Variants in ATP10A observed in about 807,000 individuals in gnomAD.
ATP10A encodes phospholipid-transporting ATPase VA.
In ATP10A, 111 loss-of-function variants were observed where a neutral mutation model predicts 147.8. The ratio of observed to expected loss-of-function variants is 0.75; its 90% CI spans 0.64 to 0.88. The LOEUF is 0.88. ATP10A is among the 40% of genes least tolerant of loss of function. ATP10A has a pLI of 0.00. For missense variants in ATP10A, 1,927 were observed against 1,959.0 expected (o/e 0.98, Z 0.31); for synonymous variants, 875 against 841.6 (o/e 1.04, Z -0.69).
rs866912221 is a variant in ATP10A at position 25,713,831 on chromosome 15, C to T, written c.2187G>A (p.Leu729=). 1.9e-6 allele frequency: 3 copies of T among 1,614,036 alleles called. No individual in the cohort carries two copies. The highest frequency in any genetic ancestry group is 3.3e-4 in the Middle Eastern group (2 of 6,062). The part of the protein sequence containing the change: ...HDQVSVELPH[L]GRLTFELLHT... ...GCAGGAGCTCGAAGGTGAGCCTGCC[C>T]AGGTGGGGCAGCTCCACTGACACTT... The change falls in exon 10 of 21, where the codon CTG becomes CTA. Residue 729 remains leucine (L), a synonymous_variant. Coordinates refer to ENST00000555815, the MANE Select transcript of ATP10A (RefSeq NM_024490.4).
chr15:25,831,301 A>G (rs1387061337), intron 1 of ATP10A, among the ~76,000 whole-genome samples: 1 of 152,222 alleles, frequency 6.6e-6, no homozygotes, highest in Non-Finnish European at 1.5e-5. Flanking sequence ...TGGAACTGTA[A>G]TGGGCTCTGT....
chr15:25,771,239 T>C (rs1889318527), intron 2 of ATP10A, among the ~76,000 whole-genome samples: 1 of 151,986 alleles, frequency 6.6e-6, no homozygotes, highest in South Asian at 2.1e-4. Context: ...CATGAGGACA[T>C]TGTTTGCTGG....
At chr15:25,830,398 T>C (rs961626459) in intron 1 of ATP10A, among the ~76,000 whole-genome samples, 2 of 152,186 alleles carry the variant, frequency 1.3e-5, no homozygotes, top group Non-Finnish European at 2.9e-5. Flanking sequence ...ACAGTTCTGC[T>C]AGAGGGAGTG....
At chr15:25,718,839 C>G (rs942030552) in intron 7 of ATP10A, among the ~76,000 whole-genome samples, 3 of 152,104 alleles carry the variant, frequency 2.0e-5, no homozygotes, top group Non-Finnish European at 4.4e-5. Flanking sequence ...TGGACGGTGG[C>G]CACCATCTGC....
Position 25,680,248 on chromosome 15 carries a change from T to A in ATP10A, c.3739A>T (p.Ile1247Phe). The A allele has an allele frequency of 6.2e-7, 1 of 1,614,004 alleles. No homozygotes were observed. The highest frequency in any genetic ancestry group is 8.5e-7 in the Non-Finnish European group (1 of 1,180,006). Residue 1247 changes from isoleucine to phenylalanine, a missense_variant, in exon 20 of 21, where the codon ATT (isoleucine) becomes TTT (phenylalanine). Ile to Phe is a conservative substitution (Grantham distance 21, BLOSUM62 0). Coordinates refer to ENST00000555815, the MANE Select transcript of ATP10A (RefSeq NM_024490.4). ...SVLLFFTVAL[I>F]YNASCATCYP... is the part of the protein sequence containing the mutation. ...CACGTGGCACAAGACGCATTGTAAA[T>A]CAAAGCCACGGTGAAAAACAAAAGG...
At chr15:25,740,626 C>T (rs550692024) in intron 2 of ATP10A, among the ~76,000 whole-genome samples, 8 of 152,322 alleles carry the variant, frequency 5.3e-5, no homozygotes, top group African/African-American at 1.7e-4. Flanking sequence ...GGGTGAGGTC[C>T]CCCTGGTTCA....
chr15:25,759,623 T>C (rs1888644567), intron 2 of ATP10A, among the ~76,000 whole-genome samples: 1 of 152,102 alleles, frequency 6.6e-6, no homozygotes, highest in East Asian at 2.0e-4. Context: ...CTGGGCAATA[T>C]GGTGAGTTCC....
At chr15:25,735,343 A>C (rs1193847544) in intron 3 of ATP10A, among the ~76,000 whole-genome samples, 1 of 151,310 alleles carries the variant, frequency 6.6e-6, no homozygotes, top group African/African-American at 2.4e-5. Flanking sequence ...AGCACTGACC[A>C]CACACACACA....
intron 3 of ATP10A, among the ~76,000 whole-genome samples, chr15:25,729,389 C>T (rs1902808020): frequency 6.6e-6 from 1 of 152,162 alleles, no homozygotes; most frequent in African/African-American, 2.4e-5. Context: ...TGTCTTTAAT[C>T]CATGCCCTCT....
At chr15:25,774,751 A>G (rs960731948) in intron 2 of ATP10A, among the ~76,000 whole-genome samples, 7 of 152,170 alleles carry the variant, frequency 4.6e-5, no homozygotes, top group African/African-American at 7.2e-5. Context: ...AGTTAATATG[A>G]AAAAACATGG....
chr15:25,725,163 T>C (rs936438401), intron 5 of ATP10A, among the ~76,000 whole-genome samples: 55 of 152,100 alleles, frequency 3.6e-4, no homozygotes, highest in African/African-American at 1.1e-3. Flanking sequence ...TTGTGAATTG[T>C]GCATGGGAGG....
chr15:25,683,374 G>A lies in ATP10A; in HGVS notation c.3404C>T (p.Pro1135Leu), dbSNP rs138925689. Residue 1135 changes from proline to leucine, a missense_variant, in exon 17 of 21, where the codon CCG (proline) becomes CTG (leucine). Pro to Leu is a moderately conservative substitution (Grantham distance 98). Transcript: ENST00000555815. ...CCTGTCCAGCACCCCAGTCACGAGC[G>A]GGGGAAGTGACGAGAAGAGCAGATT... ...FFNLLFSSLP[P>L]LVTGVLDRDV... 24 of 1,614,112 alleles carry A rather than the reference G, an allele frequency of 1.5e-5. No individual in the cohort carries two copies. Among genetic ancestry groups the A allele is most frequent in the East Asian group, 6.7e-5 (3 of 44,868 alleles).
At chr15:25,827,197 T>C (rs555229207) in intron 1 of ATP10A, among the ~76,000 whole-genome samples, 21 of 152,282 alleles carry the variant, frequency 1.4e-4, no homozygotes, top group African/African-American at 4.8e-4. Flanking sequence ...ATAGGTGAAA[T>C]TGGACATTCC....
chr15:25,778,479 G>C (rs1889735454), intron 2 of ATP10A, among the ~76,000 whole-genome samples: 1 of 145,220 alleles, frequency 6.9e-6, no homozygotes, highest in Non-Finnish European at 1.5e-5. Flanking sequence ...AAATGTCTTT[G>C]GACCTTTAGG....
intron 13 of ATP10A, among the ~76,000 whole-genome samples, chr15:25,698,572 G>A (rs1202792149): frequency 1.3e-5 from 2 of 152,160 alleles, no homozygotes; most frequent in African/African-American, 4.8e-5. Context: ...TTTTTGGAGA[G>A]TCAAAAGTTA....
intron 2 of ATP10A, 148 bp from the exon 3 acceptor site, chr15:25,736,289 A>C (rs7178556): frequency 0.77 from 515,833 of 666,564 alleles, 204,643 homozygotes; most frequent in Non-Finnish European, 0.85. Context: ...AGCCAAAGCA[A>C]CGCCTTCTCC....
intron 1 of ATP10A, among the ~76,000 whole-genome samples, chr15:25,791,773 TC>T (rs1363764572): frequency 1.3e-5 from 2 of 152,218 alleles, no homozygotes; most frequent in African/African-American, 4.8e-5. Flanking sequence ...TAACCCCTTT[TC>T]TGTCTTTTGC....
intron 1 of ATP10A, among the ~76,000 whole-genome samples, chr15:25,837,334 C>T (rs1369814830): frequency 4.6e-5 from 7 of 152,182 alleles, no homozygotes; most frequent in African/African-American, 1.7e-4. Context: ...CAATACTATG[C>T]AGCCTTTTAA....
intron 1 of ATP10A, among the ~76,000 whole-genome samples, chr15:25,811,800 G>A (rs1286422534): frequency 1.3e-5 from 2 of 152,144 alleles, no homozygotes; most frequent in African/African-American, 4.8e-5. Flanking sequence ...GCACTTCCTC[G>A]TCCAGATGGA....
Sources: allele counts gnomAD v4.1 joint callset (sites outside exome capture counted in the v4.1 genomes callset), GRCh38; gene constraint gnomAD v4.1.1; transcripts MANE v1.5; gene names NCBI Gene and HGNC (gene_info 2026-07-23, HGNC 2026-07-21).